Variants in OXR1 observed in about 807,000 individuals in gnomAD.
OXR1 encodes oxidation resistance 1, also known as oxidation resistance protein 1.
A neutral mutation model predicts 104.6 loss-of-function variants in OXR1; 41 were observed. That is an observed-to-expected ratio of 0.39 (90% CI 0.31 to 0.51). OXR1 has a LOEUF of 0.51. Among genes scored for constraint, OXR1 ranks in the 20% least tolerant of loss-of-function variants. The pLI is 0.77. For missense variants in OXR1, 955 were observed against 1,031.9 expected (o/e 0.93, Z 1.02); for synonymous variants, 348 against 348.4 (o/e 1.00, Z 0.01).
intron 3 of OXR1, among the ~76,000 whole-genome samples, chr8:106,527,341 T>C (rs1462465417): frequency 6.6e-6 from 1 of 152,178 alleles, no homozygotes; most frequent in Non-Finnish European, 1.5e-5. Context: ...TGTCTTGACC[T>C]TTGTGGATCT....
intron 3 of OXR1, among the ~76,000 whole-genome samples, chr8:106,607,639 G>C (rs1431090706): frequency 6.6e-6 from 1 of 152,074 alleles, no homozygotes; most frequent in Non-Finnish European, 1.5e-5. Flanking sequence ...CAGCCCTTCT[G>C]CTTAGCATTA....
intron 10 of OXR1, among the ~76,000 whole-genome samples, chr8:106,711,656 G>A (rs2131399558): frequency 6.6e-6 from 1 of 152,240 alleles, no homozygotes; most frequent in Admixed American, 6.6e-5. Context: ...TCCATTTGGT[G>A]CATGCTGGGA....
intron 2 of OXR1, among the ~76,000 whole-genome samples, chr8:106,362,387 A>T (rs7010661): frequency 0.36 from 54,196 of 151,906 alleles, 9,798 homozygotes; most frequent in African/African-American, 0.42. Context: ...TAGTATAGTT[A>T]CAGGCATATT....
chr8:106,364,467 C>G (rs1816382889), intron 2 of OXR1, among the ~76,000 whole-genome samples: 1 of 152,036 alleles, frequency 6.6e-6, no homozygotes, highest in Admixed American at 6.6e-5. Flanking sequence ...GTAGTCCCAG[C>G]TACTCAGGAG....
chr8:106,561,915 G>A (rs548770722), intron 3 of OXR1, among the ~76,000 whole-genome samples: 6 of 152,058 alleles, frequency 3.9e-5, no homozygotes, highest in South Asian at 4.1e-4. Flanking sequence ...CAAACAAAAA[G>A]GAATAGCATC....
intron 2 of OXR1, among the ~76,000 whole-genome samples, chr8:106,457,250 A>AT: frequency 6.6e-6 from 1 of 152,276 alleles, no homozygotes; most frequent in East Asian, 1.9e-4. Flanking sequence ...TAGGTTTCTG[A>AT]TAAAAAGATG....
At chr8:106,474,745 A>G (rs1321350076) in intron 2 of OXR1, among the ~76,000 whole-genome samples, 1 of 151,946 alleles carries the variant, frequency 6.6e-6, no homozygotes, top group African/African-American at 2.4e-5. Flanking sequence ...ATCCCTTTCC[A>G]GAAAAGCTTT....
chr8:106,429,816 C>T (rs930510728), intron 2 of OXR1, among the ~76,000 whole-genome samples: 4 of 151,772 alleles, frequency 2.6e-5, no homozygotes, highest in African/African-American at 7.3e-5. Context: ...ACTGATTTTG[C>T]GTTTCTCAGT....
chr8:106,581,217 C>A (rs954532710), intron 3 of OXR1: 64 of 1,286,552 alleles, frequency 5.0e-5, no homozygotes, highest in Non-Finnish European at 5.7e-5. Context: ...AGCTGAATTC[C>A]AAGGAAATAT....
chr8:106,736,394 C>T (rs928837285), intron 11 of OXR1, among the ~76,000 whole-genome samples: 3 of 152,082 alleles, frequency 2.0e-5, no homozygotes, highest in African/African-American at 7.2e-5. Flanking sequence ...TACTGGTAGC[C>T]AGTTCCTTTT....
At chr8:106,722,961 T>C (rs1221896771) in intron 11 of OXR1, among the ~76,000 whole-genome samples, 1 of 152,216 alleles carries the variant, frequency 6.6e-6, no homozygotes, top group Non-Finnish European at 1.5e-5. Context: ...TTAAAGTTGT[T>C]ATCGACCTTA....
At chr8:106,535,218 C>T (rs72680948) in intron 3 of OXR1, among the ~76,000 whole-genome samples, 5,111 of 152,226 alleles carry the variant, frequency 0.034, 134 homozygotes, top group Non-Finnish European at 0.055. Context: ...GGTTCTTGGA[C>T]GAGAACTATG....
chr8:106,637,886 T>C (rs1403124652), intron 3 of OXR1, among the ~76,000 whole-genome samples: 1 of 151,458 alleles, frequency 6.6e-6, no homozygotes, highest in Non-Finnish European at 1.5e-5. Context: ...CTCAGCCTCC[T>C]GAGTAGCTGG....
At chr8:106,362,872 G>A (rs1224543433) in intron 2 of OXR1, among the ~76,000 whole-genome samples, 2 of 152,216 alleles carry the variant, frequency 1.3e-5, no homozygotes, top group Non-Finnish European at 2.9e-5. Flanking sequence ...TTAGTGTGTA[G>A]TAGGGCCTGG....
chr8:106,679,096 G>C lies in OXR1; in HGVS notation c.221-114G>C. Reference sequence around the variant, plus strand: ...TTTTTACAGCAGAGCATCCCAGGGAGTAAGCTGTATTACTAGTAAATTAGA... The same window carrying C: ...TTTTTACAGCAGAGCATCCCAGGGACTAAGCTGTATTACTAGTAAATTAGA... On this transcript the variant is annotated intron_variant, in intron 3 of 16. Coordinates refer to ENST00000517566, the MANE Select transcript of OXR1 (RefSeq NM_001198533.2). 5.5e-6 allele frequency: 3 copies of C among 545,780 alleles called. No individual in the cohort carries two copies. The South Asian group carries it at 9.4e-5, about 17-fold the overall frequency. 33.8% of individuals were successfully genotyped at this position (545,780 alleles called of 1,614,324 possible). A position where few individuals can be genotyped will look rare whatever the true frequency, so the allele number is the denominator to read the frequency against.
chr8:106,476,030 T>C (rs1480808704), intron 2 of OXR1, among the ~76,000 whole-genome samples: 2 of 151,870 alleles, frequency 1.3e-5, no homozygotes, highest in Non-Finnish European at 2.9e-5. Flanking sequence ...CTTTCACAGC[T>C]TTTTCTATAA....
chr8:106,550,242 A>G (rs1033186602), intron 3 of OXR1, among the ~76,000 whole-genome samples: 2 of 152,208 alleles, frequency 1.3e-5, no homozygotes, highest in African/African-American at 4.8e-5. Context: ...GAGGATTCCA[A>G]TGGAGAAAAA....
chr8:106,591,587 TAA>T (rs1229148649), intron 3 of OXR1, among the ~76,000 whole-genome samples: 1 of 152,182 alleles, frequency 6.6e-6, no homozygotes, highest in Non-Finnish European at 1.5e-5. Context: ...TAATTATAGA[TAA>T]GTTACCTTTT....
At chr8:106,303,888 C>T (rs942759112) in intron 1 of OXR1, among the ~76,000 whole-genome samples, 1 of 152,082 alleles carries the variant, frequency 6.6e-6, no homozygotes, top group Admixed American at 6.5e-5. Flanking sequence ...AGACAAAAGA[C>T]ATCATTATTC....
Sources: allele counts gnomAD v4.1 joint callset (sites outside exome capture counted in the v4.1 genomes callset), GRCh38; gene constraint gnomAD v4.1.1; transcripts MANE v1.5; gene names NCBI Gene and HGNC (gene_info 2026-07-23, HGNC 2026-07-21).